Variants in OSBPL5 observed in about 807,000 individuals in gnomAD.
The protein encoded by OSBPL5 is oxysterol binding protein like 5, also known as oxysterol-binding protein-related protein 5.
In OSBPL5, 71 loss-of-function variants were observed where a neutral mutation model predicts 111.2. The observed-to-expected ratio is 0.64, with a 90% CI of 0.53 to 0.78. The LOEUF (loss-of-function observed/expected upper bound fraction) is 0.78, where lower values mean the gene tolerates loss of function less well. Ranked by LOEUF, OSBPL5 falls within the 30% of genes least tolerant of loss-of-function variation. The pLI, the probability that OSBPL5 is intolerant of heterozygous loss-of-function variation, is 0.00. For missense variants in OSBPL5, 1,210 were observed against 1,189.3 expected (o/e 1.02, Z -0.26); for synonymous variants, 549 against 513.9 (o/e 1.07, Z -0.93).
chr11:3,112,140 T>C (rs1033658092), intron 7 of OSBPL5, among the ~76,000 whole-genome samples: 3 of 147,914 alleles, frequency 2.0e-5, no homozygotes, highest in African/African-American at 8.0e-5. Flanking sequence ...TATGTGTGTG[T>C]TTGTATTTAA....
intron 14 of OSBPL5, among the ~76,000 whole-genome samples, chr11:3,096,299 A>G (rs1241231185): frequency 6.6e-6 from 1 of 152,176 alleles, no homozygotes; most frequent in African/African-American, 2.4e-5. Context: ...TTTTCATCTG[A>G]TGATAGTATT....
At position 3,165,254 on chromosome 11, in the gene OSBPL5, G is replaced by A. The variant is rs1423083074; in HGVS notation, c.-60C>T. ...GCGAGCTCGGTGCTCCGGGCCGGCC[G>A]GGCGCGCGGGGGCTCCACTGGCGGC... On this transcript the variant is annotated 5_prime_UTR_variant, in exon 1 of 22. Coordinates refer to ENST00000263650, the MANE Select transcript of OSBPL5 (RefSeq NM_020896.4). The surrounding 1 kb of genome is among the most constrained non-coding windows in gnomAD (Gnocchi z 7.4). The A allele has an allele frequency of 6.6e-6, 1 of 151,130 alleles. No homozygotes were observed. 9.4% of individuals were successfully genotyped at this position (151,130 alleles called of 1,614,324 possible). A position where few individuals can be genotyped will look rare whatever the true frequency, so the allele number is the denominator to read the frequency against.
intron 10 of OSBPL5, among the ~76,000 whole-genome samples, chr11:3,103,930 C>A (rs1297544217): frequency 7.1e-6 from 1 of 141,464 alleles, no homozygotes; most frequent in Non-Finnish European, 1.6e-5. Flanking sequence ...GCAGCCCATC[C>A]CATCCAGCTC....
At chr11:3,163,051 G>T (rs529547713) in intron 1 of OSBPL5, among the ~76,000 whole-genome samples, 1 of 152,122 alleles carries the variant, frequency 6.6e-6, no homozygotes, top group African/African-American at 2.4e-5. Flanking sequence ...AAAATGACCG[G>T]GATCCTTTTG....
chr11:3,104,367 G>A lies in OSBPL5; in HGVS notation c.1070C>T (p.Ala357Val), dbSNP rs200925187. ...CTCTGACACTGTCTCCACCTGGGACGCCTCGCCCAGCTGCAGCAGACAGGC... is the reference window on the plus strand; with the variant it reads ...CTCTGACACTGTCTCCACCTGGGACACCTCGCCCAGCTGCAGCAGACAGGC... The part of the protein sequence containing the change: ...VQEELGELGE[A>V]SQVETVSEEN... The change falls in exon 10 of 22, where the codon GCG (alanine) becomes GTG (valine). Residue 357 changes from alanine to valine, a missense_variant. Physicochemically the swap from Ala to Val is moderately conservative, Grantham distance 64. Transcript: ENST00000263650. The surrounding 1 kb of genome is among the most constrained non-coding windows in gnomAD (Gnocchi z 5.0). 1.5e-5 allele frequency: 24 copies of A among 1,609,568 alleles called. No individual in the cohort carries two copies. In the East Asian group the frequency reaches 2.2e-4, roughly 15 times the overall value.
In OSBPL5 at chr11:3,104,676, C is replaced by A. The variant is rs551618189; in HGVS notation, c.1060-299G>T. On this transcript the variant is annotated intron_variant, in intron 9 of 21. Coordinates refer to ENST00000263650, the MANE Select transcript of OSBPL5 (RefSeq NM_020896.4). The surrounding 1 kb of genome is among the most constrained non-coding windows in gnomAD (Gnocchi z 5.0). Reference sequence around the variant, plus strand: ...CCTCAAAGTCCAGGGTGCAGCCTCCCAACACCTGCTGTTGAAACCTGTCTG... The same window carrying A: ...CCTCAAAGTCCAGGGTGCAGCCTCCAAACACCTGCTGTTGAAACCTGTCTG... 6.6e-6 allele frequency among the ~76,000 whole-genome samples: 1 copy of A among 152,292 alleles called. No homozygotes were observed. Among genetic ancestry groups the A allele is most frequent in the East Asian group, 1.9e-4 (1 of 5,176 alleles).
At chr11:3,098,304 C>A (rs1002627351) in intron 14 of OSBPL5, among the ~76,000 whole-genome samples, 1 of 151,458 alleles carries the variant, frequency 6.6e-6, no homozygotes. Context: ...GGTTCAAATT[C>A]TGTCTCATTG....
intron 15 of OSBPL5, 55 bp from the exon 16 acceptor site, chr11:3,093,890 A>G: frequency 6.4e-7 from 1 of 1,557,282 alleles, no homozygotes; most frequent in Non-Finnish European, 8.7e-7. Context: ...GGCCTCCAGA[A>G]TCACATCCTC....
chr11:3,098,495 A>ATTTTTTT (rs552382553), intron 14 of OSBPL5, among the ~76,000 whole-genome samples: 7 of 81,194 alleles, frequency 8.6e-5, no homozygotes, highest in African/African-American at 3.8e-4. Flanking sequence ...ACATGAAGGA[A>ATTTTTTT]TTTTTTTTTT....
chr11:3,092,872 G>C lies in OSBPL5; in HGVS notation c.2127C>G (p.Tyr709Ter), dbSNP rs776146202. ...AGGGCTTTGTCGGCACTCACTCCTC[G>C]TATCGGTAGTGCCACTCCTGGGTGA... ...DPITQEWHYRYEDHSPWDPLK... is the reference protein window; with the variant it reads ...DPITQEWHYR Residue 709 changes from tyrosine to a stop codon, truncating the protein, a stop_gained, in exon 18 of 22, where the codon TAC becomes TAG. Coordinates refer to ENST00000263650, the MANE Select transcript of OSBPL5 (RefSeq NM_020896.4). LOFTEE classifies it high-confidence loss of function. The surrounding 1 kb of genome is among the most constrained non-coding windows in gnomAD (Gnocchi z 5.4). 5.8e-6 allele frequency: 9 copies of C among 1,539,056 alleles called. No homozygotes were observed. The highest frequency in any genetic ancestry group is 1.2e-5 in the South Asian group (1 of 82,868).
At chr11:3,123,526 G>A (rs1263002206) in intron 3 of OSBPL5, among the ~76,000 whole-genome samples, 12 of 152,248 alleles carry the variant, frequency 7.9e-5, no homozygotes, top group African/African-American at 1.9e-4. Flanking sequence ...AGCCTGCGCC[G>A]CGGCGGGGCC....
chr11:3,162,806 T>C lies in OSBPL5; in HGVS notation c.-22+2410A>G, dbSNP rs1200481527. 6.6e-6 allele frequency among the ~76,000 whole-genome samples: 1 copy of C among 152,000 alleles called. No homozygotes were observed. The highest frequency in any genetic ancestry group is 2.0e-4 in the East Asian group (1 of 5,122). On this transcript the variant is annotated intron_variant, in intron 1 of 21. Coordinates refer to ENST00000263650, the MANE Select transcript of OSBPL5 (RefSeq NM_020896.4). This position sits in a 1 kb window ranked among gnomAD's most constrained non-coding sequence, Gnocchi z 8.1. ...GCTGGCATCGAGAACAATATTCTTT[T>C]CCTTTGTGCCGGTCACAAGCAGCAT...
In OSBPL5 at chr11:3,092,671, C is replaced by T. The variant is rs1476937769; in HGVS notation, c.2133-113G>A. ...TGGCCAGAGACCTCCAGGAGAATGA[C>T]CACTGCCCACACCCCATGGGCAGGG... is the stretch of plus-strand genomic sequence containing the variant. On this transcript the variant is annotated intron_variant, in intron 18 of 21. Transcript: ENST00000263650. This position sits in a 1 kb window ranked among gnomAD's most constrained non-coding sequence, Gnocchi z 5.4. 2.1e-6 allele frequency: 3 copies of T among 1,396,510 alleles called. No individual in the cohort carries two copies. Among genetic ancestry groups the T allele is most frequent in the African/African-American group, 1.4e-5 (1 of 69,208 alleles). The allele number at this position is 1,396,510 out of a possible 1,614,324, so 86.5% of individuals were successfully genotyped here.
At position 3,141,471 on chromosome 11, in the gene OSBPL5, T is replaced by C. The variant is rs1846112882; in HGVS notation, c.-21-12302A>G. On this transcript the variant is annotated intron_variant, in intron 1 of 21. Coordinates refer to ENST00000263650, the MANE Select transcript of OSBPL5 (RefSeq NM_020896.4). This position sits in a 1 kb window ranked among gnomAD's most constrained non-coding sequence, Gnocchi z 6.5. ...GGCCCCCAATCTGTCTCTCAGGAAA[T>C]GGGGGGGGTCTCAAACAGAAGGACC... Among the ~76,000 whole-genome samples the C allele has an allele frequency of 1.3e-5, 2 of 151,510 alleles. No individual in the cohort carries two copies. Among genetic ancestry groups the C allele is most frequent in the African/African-American group, 4.9e-5 (2 of 41,180 alleles).
rs193153891 is a variant in OSBPL5, at chr11:3,107,621, G to C, written c.866+150C>G. 7.4e-7 allele frequency: 1 copy of C among 1,354,384 alleles called. No homozygotes were observed. The highest frequency in any genetic ancestry group is 1.5e-5 in the African/African-American group (1 of 68,904). 83.9% of individuals were successfully genotyped at this position (1,354,384 alleles called of 1,614,324 possible). A position where few individuals can be genotyped will look rare whatever the true frequency, so the allele number is the denominator to read the frequency against. ...CAGCCCCGTTTTAGAGGAAGGAACC[G>C]AGGCTCCCAGGGCACACTGCAGCGA... On this transcript the variant is annotated intron_variant, in intron 8 of 21. Coordinates refer to ENST00000263650, the MANE Select transcript of OSBPL5 (RefSeq NM_020896.4). The surrounding 1 kb of genome is among the most constrained non-coding windows in gnomAD (Gnocchi z 6.1).
In OSBPL5 at chr11:3,100,165, G is replaced by A. The variant is rs1359337024; in HGVS notation, c.1614C>T (p.His538=). The change falls in exon 14 of 22, where the codon CAC becomes CAT. Residue 538 remains histidine (H), a synonymous_variant. Transcript: ENST00000263650. The part of the protein sequence containing the change: ...EDYTLTMPYA[H]CKGILYGTMT... The stretch of plus-strand genomic sequence containing the variant: ...TGTGGCTGAGCCTCTCACCTTTGCA[G>A]TGGGCGTAGGGCATGGTAAGGGTGT... 2 of 1,613,982 alleles carry A rather than the reference G, an allele frequency of 1.2e-6. No homozygotes were observed. Among genetic ancestry groups the A allele is most frequent in the African/African-American group, 2.7e-5 (2 of 74,934 alleles).
chr11:3,158,368 G>A (rs1846844143), intron 1 of OSBPL5, among the ~76,000 whole-genome samples: 2 of 152,264 alleles, frequency 1.3e-5, no homozygotes, highest in Non-Finnish European at 2.9e-5. Flanking sequence ...AGGGTGCCAC[G>A]TGGGAGCACG....
intron 11 of OSBPL5, among the ~76,000 whole-genome samples, 172 bp from the exon 12 acceptor site, chr11:3,102,453 T>G (rs554953571): frequency 6.6e-6 from 1 of 152,208 alleles, no homozygotes; most frequent in African/African-American, 2.4e-5. Context: ...GCGGGGACTA[T>G]GCTTTGCCTG....
chr11:3,091,624 C>T (rs542291294), intron 19 of OSBPL5, among the ~76,000 whole-genome samples: 2 of 152,172 alleles, frequency 1.3e-5, no homozygotes, highest in Non-Finnish European at 2.9e-5. Flanking sequence ...CTGGCCTGAG[C>T]CCGGGGGGAT....
Sources: gnomAD v4.1 joint callset for allele counts (sites outside exome capture counted in the v4.1 genomes callset) on GRCh38, gnomAD v4.1.1 for gene constraint, Gnocchi (gnomAD v3.1) non-coding constraint, MANE v1.5 for transcripts, NCBI Gene and HGNC (gene_info 2026-07-23, HGNC 2026-07-21) for gene names.